Variants in BARX2 observed in about 807,000 individuals in gnomAD.
BARX2 encodes BARX homeobox 2.
Under a neutral mutation model 25.5 loss-of-function variants are expected in BARX2, and 11 were observed. That is an observed-to-expected ratio of 0.43 (90% CI 0.27 to 0.71). The LOEUF is 0.71. BARX2 is among the 30% of genes least tolerant of loss of function. The pLI is 0.19. For missense variants in BARX2, 360 were observed against 359.9 expected (o/e 1.00, Z 0.00); for synonymous variants, 137 against 149.5 (o/e 0.92, Z 0.61).
chr11:129,416,875 G>C (rs1248761407), intron 1 of BARX2, among the ~76,000 whole-genome samples: 2 of 133,002 alleles, frequency 1.5e-5, no homozygotes, highest in Admixed American at 1.5e-4. Context: ...CAGTGTCTTT[G>C]TTTTTTTTTT....
At chr11:129,380,153 A>G (rs1024927888) in intron 1 of BARX2, among the ~76,000 whole-genome samples, 3 of 152,010 alleles carry the variant, frequency 2.0e-5, no homozygotes, top group African/African-American at 7.3e-5. Flanking sequence ...AGAAATCAGG[A>G]AGACTTTTCC....
intron 1 of BARX2, among the ~76,000 whole-genome samples, chr11:129,415,933 C>T (rs1401343946): frequency 6.6e-6 from 1 of 152,228 alleles, no homozygotes; most frequent in African/African-American, 2.4e-5. Context: ...CCGATTGGAT[C>T]CAACGTGACT....
intron 2 of BARX2, 59 bp from the exon 3 acceptor site, chr11:129,442,776 C>A (rs1862278428): frequency 1.4e-6 from 2 of 1,426,690 alleles, no homozygotes; most frequent in Non-Finnish European, 2.0e-6. Flanking sequence ...CAGCAGGATC[C>A]CATCTCTCCT....
intron 3 of BARX2, among the ~76,000 whole-genome samples, chr11:129,447,735 G>A (rs1862348541): frequency 6.6e-6 from 1 of 152,152 alleles, no homozygotes; most frequent in Non-Finnish European, 1.5e-5. Context: ...CGTGTGGGTG[G>A]TGTTCTCTAA....
intron 2 of BARX2, chr11:129,437,904 T>C (rs1386932909): frequency 6.6e-6 from 1 of 151,902 alleles, no homozygotes; most frequent in Non-Finnish European, 1.5e-5. Context: ...CATGCACCTG[T>C]AGTCCCAGCC....
chr11:129,406,415 T>C (rs2135395700), intron 1 of BARX2, among the ~76,000 whole-genome samples: 1 of 152,318 alleles, frequency 6.6e-6, no homozygotes, highest in East Asian at 1.9e-4. Context: ...GAGTGCACAC[T>C]CATATTCCCG....
chr11:129,384,230 T>A (rs978673595), intron 1 of BARX2, among the ~76,000 whole-genome samples: 1 of 147,742 alleles, frequency 6.8e-6, no homozygotes. Context: ...TCATTTCTGA[T>A]CTTTTTTTTT....
chr11:129,451,410 C>T lies in BARX2; in HGVS notation c.*8C>T, dbSNP rs377451366. On this transcript the variant is annotated 3_prime_UTR_variant, in exon 4 of 4. Coordinates refer to ENST00000281437, the MANE Select transcript of BARX2 (RefSeq NM_003658.5). ...CCCCCACCATTAAGCTAAAGTAAAACCCTTTTGAGGGAAGAGGGAGACTGG... is the reference window on the plus strand; with the variant it reads ...CCCCCACCATTAAGCTAAAGTAAAATCCTTTTGAGGGAAGAGGGAGACTGG... 3.7e-5 allele frequency: 59 copies of T among 1,607,918 alleles called. No homozygotes were observed. The African/African-American group carries it at 6.1e-4, about 17-fold the overall frequency.
At chr11:129,445,368 C>T (rs1404907587) in intron 3 of BARX2, among the ~76,000 whole-genome samples, 1 of 152,186 alleles carries the variant, frequency 6.6e-6, no homozygotes, top group African/African-American at 2.4e-5. Context: ...ATTAAGGAAT[C>T]GACAGGCAGC....
intron 3 of BARX2, among the ~76,000 whole-genome samples, chr11:129,445,334 A>T (rs1187916360): frequency 1.3e-5 from 2 of 152,228 alleles, no homozygotes; most frequent in Middle Eastern, 3.2e-3. Flanking sequence ...ATTGGTTATC[A>T]GCAATCTTTT....
chr11:129,413,927 G>A (rs776349349), intron 1 of BARX2, among the ~76,000 whole-genome samples: 2 of 152,060 alleles, frequency 1.3e-5, no homozygotes, highest in Non-Finnish European at 1.5e-5. Flanking sequence ...TTAGCCGGGC[G>A]TGGTGGCGGG....
chr11:129,408,005 A>G (rs1861849416), intron 1 of BARX2, among the ~76,000 whole-genome samples: 1 of 129,816 alleles, frequency 7.7e-6, no homozygotes, highest in Non-Finnish European at 1.6e-5. Context: ...ATTGAGACAG[A>G]GCCAGACTCC....
At chr11:129,431,775 T>A (rs1170558568) in intron 1 of BARX2, among the ~76,000 whole-genome samples, 4 of 152,178 alleles carry the variant, frequency 2.6e-5, no homozygotes, top group Admixed American at 2.6e-4. Context: ...TTGTTAATTT[T>A]GATGAAGACC....
chr11:129,424,931 C>T (rs1354935401), intron 1 of BARX2, among the ~76,000 whole-genome samples: 2 of 152,196 alleles, frequency 1.3e-5, no homozygotes, highest in African/African-American at 4.8e-5. Context: ...CAATATGGAA[C>T]ATTCACTGGA....
rs766390092 is a variant in BARX2, at chr11:129,436,776, G to C, written c.213G>C (p.Pro71=). 5.6e-6 allele frequency: 9 copies of C among 1,601,860 alleles called. No homozygotes were observed. Among genetic ancestry groups the C allele is most frequent in the Non-Finnish European group, 7.7e-6 (9 of 1,172,718 alleles). ...CTGSPSLRAY[P]LLSVITRQPT... The stretch of plus-strand genomic sequence containing the variant: ...GCTCCCCTTCCCTGCGGGCATATCC[G>C]CTCCTCTCGGTGATCACCCGCCAGC... Residue 71 remains proline, a synonymous_variant, in exon 2 of 4, where the codon CCG becomes CCC. Transcript: ENST00000281437. The surrounding 1 kb of genome is among the most constrained non-coding windows in gnomAD (Gnocchi z 4.5).
chr11:129,444,023 C>T (rs989768603), intron 3 of BARX2, among the ~76,000 whole-genome samples: 10 of 152,064 alleles, frequency 6.6e-5, no homozygotes, highest in African/African-American at 2.4e-4. Flanking sequence ...GGTCACAGGC[C>T]CTATGTCTTG....
At chr11:129,445,576 C>CA (rs1862316197) in intron 3 of BARX2, among the ~76,000 whole-genome samples, 1 of 152,202 alleles carries the variant, frequency 6.6e-6, no homozygotes, top group Admixed American at 6.5e-5. Context: ...CAGTCACCTT[C>CA]AGGTCCCTTT....
At chr11:129,447,737 G>A (rs1168486632) in intron 3 of BARX2, among the ~76,000 whole-genome samples, 1 of 152,190 alleles carries the variant, frequency 6.6e-6, no homozygotes, top group Non-Finnish European at 1.5e-5. Flanking sequence ...TGTGGGTGGT[G>A]TTCTCTAATT....
upstream of BARX2, among the ~76,000 whole-genome samples, chr11:129,375,777 C>G (rs929887995): frequency 2.6e-5 from 4 of 152,030 alleles, no homozygotes; most frequent in Non-Finnish European, 5.9e-5. This position sits in a 1 kb window ranked among gnomAD's most constrained non-coding sequence, Gnocchi z 4.0. Context: ...ACTCCGCACC[C>G]GGCCCTGCAG....
Sources: allele counts gnomAD v4.1 joint callset (sites outside exome capture counted in the v4.1 genomes callset), GRCh38; gene constraint gnomAD v4.1.1; non-coding constraint Gnocchi (gnomAD v3.1); transcripts MANE v1.5; gene names NCBI Gene and HGNC (gene_info 2026-07-23, HGNC 2026-07-21).